The following NYAP1 variants were observed in gnomAD, a reference collection of about 807,000 sequenced individuals.
NYAP1 encodes neuronal tyrosine-phosphorylated phosphoinositide-3-kinase adapter 1.
In NYAP1, 20 loss-of-function variants were observed where a neutral mutation model predicts 58.6. The observed-to-expected ratio is 0.34, with a 90% CI of 0.24 to 0.50. NYAP1 has a LOEUF of 0.50. Ranked by LOEUF, NYAP1 falls within the 20% of genes least tolerant of loss-of-function variation. NYAP1 has a pLI of 0.98. For synonymous variants in NYAP1, 572 were observed against 523.1 expected, an observed-to-expected ratio of 1.09 and a Z score of -1.27; for missense variants, 1,150 against 1,194.5, an observed-to-expected ratio of 0.96 and a Z score of 0.55.
rs772312233 is a variant in NYAP1 at position 100,489,184 on chromosome 7, C to T, written c.1463C>T (p.Thr488Met). The change falls in exon 4 of 7, where the codon ACG becomes ATG. Residue 488 changes from threonine (T) to methionine (M), a missense_variant. By Grantham distance (81) the Thr-to-Met change is moderately conservative. Coordinates refer to ENST00000300179, the MANE Select transcript of NYAP1 (RefSeq NM_173564.4). ...GPPLGAGEPKTEKEISVLHGM... is the reference protein window; with the variant it reads ...GPPLGAGEPKMEKEISVLHGM... ...CCCCTGGGTGCTGGGGAGCCAAAGA[C>T]GGAGAAGGAGATCTCGGTCCTCCAT... 1.2e-5 allele frequency: 19 copies of T among 1,611,030 alleles called. No homozygotes were observed. The highest frequency in any genetic ancestry group is 5.5e-5 in the South Asian group (5 of 90,608).
In NYAP1 at chr7:100,490,396, C is replaced by A; in HGVS notation, c.1946-121C>A. The A allele has an allele frequency of 1.2e-6, 1 of 866,196 alleles. No individual in the cohort carries two copies. The highest frequency in any genetic ancestry group is 1.9e-6 in the Non-Finnish European group (1 of 532,488). 53.7% of individuals were successfully genotyped at this position (866,196 alleles called of 1,614,324 possible). A position where few individuals can be genotyped will look rare whatever the true frequency, so the allele number is the denominator to read the frequency against. On this transcript the variant is annotated intron_variant, in intron 4 of 6. Coordinates refer to ENST00000300179, the MANE Select transcript of NYAP1 (RefSeq NM_173564.4). This position sits in a 1 kb window ranked among gnomAD's most constrained non-coding sequence, Gnocchi z 4.6. ...GAGTGTGAAGGAGCCCCATCCCAGC[C>A]GTTACTTGCAAAAGGGGCAATTGTG... is the stretch of plus-strand genomic sequence containing the variant.
At position 100,489,633 on chromosome 7, in the gene NYAP1, C is replaced by T. The variant is rs1355681326; in HGVS notation, c.1912C>T (p.Leu638Phe). 5 of 1,406,182 alleles carry T rather than the reference C, an allele frequency of 3.6e-6. No individual in the cohort carries two copies. Among genetic ancestry groups the T allele is most frequent in the Admixed American group, 2.0e-5 (1 of 50,864 alleles). The allele number at this position is 1,406,182 out of a possible 1,614,324, so 87.1% of individuals were successfully genotyped here. Residue 638 changes from leucine to phenylalanine, a missense_variant, in exon 4 of 7, where the codon CTC becomes TTC. Transcript: ENST00000300179. ...AGGCTGGGCCCTGCAGAGGAAGGTC[C>T]TCTATGGAGGGAGAAAAGCAAAGGA... ...GAGWALQRKV[L>F]YGGRKAKELD...
In NYAP1 at chr7:100,486,852, G is replaced by T; in HGVS notation, c.100G>T (p.Ala34Ser). 6.5e-7 allele frequency: 1 copy of T among 1,527,402 alleles called. No homozygotes were observed. 94.6% of individuals were successfully genotyped at this position (1,527,402 alleles called of 1,614,324 possible). Reference protein sequence around the residue: ...SSKEVAPAGSAGPAAGQGPGV... With the variant: ...SSKEVAPAGSSGPAAGQGPGV... ...TAAGGAGGTGGCCCCCGCTGGCTCG[G>T]CTGGGCCCGCGGCCGGCCAGGGGCC... Residue 34 changes from alanine (A) to serine (S), a missense_variant, in exon 3 of 7, where the codon GCT becomes TCT. Ala to Ser is a moderately conservative substitution (Grantham distance 99). Transcript: ENST00000300179. This position sits in a 1 kb window ranked among gnomAD's most constrained non-coding sequence, Gnocchi z 6.2.
At position 100,492,163 on chromosome 7, in the gene NYAP1, C is replaced by T. The variant is rs184724274; in HGVS notation, c.2268+1068C>T. Among the ~76,000 whole-genome samples the T allele has an allele frequency of 1.8e-4, 27 of 151,842 alleles. 1 individual carries two copies. Among genetic ancestry groups the T allele is most frequent in the African/African-American group, 5.8e-4 (24 of 41,396 alleles). Reference sequence around the variant, plus strand: ...CTGAGGCAGGAGAATTGCTTGAACCCGGGAGACGGAGGCTGCAGTGAGCCA... The same window carrying T: ...CTGAGGCAGGAGAATTGCTTGAACCTGGGAGACGGAGGCTGCAGTGAGCCA... On this transcript the variant is annotated intron_variant, in intron 6 of 6. Coordinates refer to ENST00000300179, the MANE Select transcript of NYAP1 (RefSeq NM_173564.4).
intron 1 of NYAP1, among the ~76,000 whole-genome samples, chr7:100,484,511 G>C (rs1254303652): frequency 6.6e-6 from 1 of 152,158 alleles, no homozygotes; most frequent in African/African-American, 2.4e-5. Context: ...CCAGGCCCGG[G>C]GAAGGACTGG....
Position 100,485,350 on chromosome 7 carries a change from G to T in NYAP1, c.39G>T (p.Arg13Ser), listed in dbSNP as rs1299386720. Residue 13 changes from arginine (R) to serine (S), a missense_variant, in exon 2 of 7, where the codon AGG becomes AGT. Coordinates refer to ENST00000300179, the MANE Select transcript of NYAP1 (RefSeq NM_173564.4). This position sits in a 1 kb window ranked among gnomAD's most constrained non-coding sequence, Gnocchi z 5.7. Reference sequence around the variant, plus strand: ...ACCGAAAAACCAAGCTGGAGTGGAGGCAGCACAAGGAAGAGGAGGCCAAGA... The same window carrying T: ...ACCGAAAAACCAAGCTGGAGTGGAGTCAGCACAAGGAAGAGGAGGCCAAGA... ...LLYRKTKLEW[R>S]QHKEEEAKRS... 2 of 1,604,018 alleles carry T rather than the reference G, an allele frequency of 1.2e-6. No homozygotes were observed. The highest frequency in any genetic ancestry group is 1.1e-5 in the South Asian group (1 of 89,212).
chr7:100,492,158 G>C (rs1196624179), intron 6 of NYAP1, among the ~76,000 whole-genome samples: 1 of 152,008 alleles, frequency 6.6e-6, no homozygotes, highest in Non-Finnish European at 1.5e-5. Context: ...AGAATTGCTT[G>C]AACCCGGGAG....
chr7:100,490,565 G>C lies in NYAP1; in HGVS notation c.1994G>C (p.Gly665Ala). ...RAWNGSAEGPGKVEREDRGPG... is the reference protein window; with the variant it reads ...RAWNGSAEGPAKVEREDRGPG... ...TGGAATGGCAGTGCCGAGGGTCCAG[G>C]CAAGGTGGAGCGTGAGGACAGGGGC... Residue 665 changes from glycine to alanine, a missense_variant, in exon 5 of 7, where the codon GGC (glycine) becomes GCC (alanine). Gly to Ala is a moderately conservative substitution (Grantham distance 60). Coordinates refer to ENST00000300179, the MANE Select transcript of NYAP1 (RefSeq NM_173564.4). The surrounding 1 kb of genome is among the most constrained non-coding windows in gnomAD (Gnocchi z 4.6). 1 of 1,587,174 alleles carries C rather than the reference G, an allele frequency of 6.3e-7. No homozygotes were observed. Among genetic ancestry groups the C allele is most frequent in the Non-Finnish European group, 8.6e-7 (1 of 1,167,168 alleles).
rs201562557 is a variant in NYAP1, at chr7:100,485,716, GC to G, written c.68+341del. Among the ~76,000 whole-genome samples, 2,125 of 152,262 alleles carry G rather than the reference GC, an allele frequency of 0.014. 17 individuals carry two copies. The highest frequency in any genetic ancestry group is 0.022 in the Non-Finnish European group (1,467 of 68,008). ...TGTCACCTGACCTTGGAAGGGGCAGGCCCCGCCTCTCTCCCAGGGTCTAGGG... is the reference window on the plus strand; with the variant it reads ...TGTCACCTGACCTTGGAAGGGGCAGGCCCGCCTCTCTCCCAGGGTCTAGGG... On this transcript the variant is annotated intron_variant, in intron 2 of 6. Coordinates refer to ENST00000300179, the MANE Select transcript of NYAP1 (RefSeq NM_173564.4). This position sits in a 1 kb window ranked among gnomAD's most constrained non-coding sequence, Gnocchi z 5.7.
At position 100,485,105 on chromosome 7, in the gene NYAP1, C is replaced by A. The variant is rs1799686506; in HGVS notation, c.-84-123C>A. On this transcript the variant is annotated intron_variant, in intron 1 of 6. Coordinates refer to ENST00000300179, the MANE Select transcript of NYAP1 (RefSeq NM_173564.4). The surrounding 1 kb of genome is among the most constrained non-coding windows in gnomAD (Gnocchi z 5.7). ...CTCGAAGCTGTGTTGGGTTTTCTGT[C>A]TGTGTTTTCCTCTCTGAGGACCCGA... 1 of 582,222 alleles carries A rather than the reference C, an allele frequency of 1.7e-6. No homozygotes were observed. The highest frequency in any genetic ancestry group is 2.9e-5 in the East Asian group (1 of 35,072). 36.1% of individuals were successfully genotyped at this position (582,222 alleles called of 1,614,324 possible).
rs756184349 is a variant in NYAP1 at position 100,491,004 on chromosome 7, G to A, written c.2177G>A (p.Arg726His). The A allele has an allele frequency of 1.9e-6, 3 of 1,553,842 alleles. No individual in the cohort carries two copies. Among genetic ancestry groups the A allele is most frequent in the African/African-American group, 1.4e-5 (1 of 73,318 alleles). The change falls in exon 6 of 7, where the codon CGC becomes CAC. Residue 726 changes from arginine to histidine, a missense_variant. By Grantham distance (29) the Arg-to-His change is conservative (BLOSUM62 0). Transcript: ENST00000300179. ...ACCTCAGACTTCACGGGAGGCTACC[G>A]CCTGGGGCGCTCCGCCTCCACCTCC... is the stretch of plus-strand genomic sequence containing the variant. The part of the protein sequence containing the change: ...HRNGDFTGGY[R>H]LGRSASTSGV...
chr7:100,494,172 T>C lies in NYAP1; in HGVS notation c.*269T>C, dbSNP rs12539172. The C allele has an allele frequency of 0.72, 300,302 of 416,766 alleles. 109,536 individuals carry two copies. Among genetic ancestry groups the C allele is most frequent in the African/African-American group, 0.88 (41,832 of 47,722 alleles). 25.8% of individuals were successfully genotyped at this position (416,766 alleles called of 1,614,324 possible). A position where few individuals can be genotyped will look rare whatever the true frequency, so the allele number is the denominator to read the frequency against. Reference sequence around the variant, plus strand: ...CTCTGGCTGTTCTTCCCGCTGGGCGTTGTACACCCCTCCTCCTGAACCAAG... The same window carrying C: ...CTCTGGCTGTTCTTCCCGCTGGGCGCTGTACACCCCTCCTCCTGAACCAAG... On this transcript the variant is annotated 3_prime_UTR_variant, in exon 7 of 7. Transcript: ENST00000300179.
At position 100,489,264 on chromosome 7, in the gene NYAP1, G is replaced by T; in HGVS notation, c.1543G>T (p.Gly515Cys). ...TGTGCCAGGGAAGACCAGCCCCCAC[G>T]GTGGGGCCATGGGCGCAGCAGCTGG... ...PPVPGKTSPH[G>C]GAMGAAAGVL... The change falls in exon 4 of 7, where the codon GGT (glycine) becomes TGT (cysteine). Residue 515 changes from glycine (G) to cysteine (C), a missense_variant. Gly to Cys is a radical substitution (Grantham distance 159). Coordinates refer to ENST00000300179, the MANE Select transcript of NYAP1 (RefSeq NM_173564.4). 1 of 1,602,388 alleles carries T rather than the reference G, an allele frequency of 6.2e-7. No homozygotes were observed. The highest frequency in any genetic ancestry group is 8.5e-7 in the Non-Finnish European group (1 of 1,175,292).
chr7:100,488,011 G>A lies in NYAP1; in HGVS notation c.431-141G>A. The stretch of plus-strand genomic sequence containing the variant: ...TAAAAAAGAAATGAAGAAACCTCCT[G>A]GGGCTGTAAGTTGAGGAATGTGGGG... On this transcript the variant is annotated intron_variant, in intron 3 of 6. Transcript: ENST00000300179. The surrounding 1 kb of genome is among the most constrained non-coding windows in gnomAD (Gnocchi z 5.9). 1 of 616,318 alleles carries A rather than the reference G, an allele frequency of 1.6e-6. No homozygotes were observed. The highest frequency in any genetic ancestry group is 2.8e-6 in the Non-Finnish European group (1 of 355,582). 38.2% of individuals were successfully genotyped at this position (616,318 alleles called of 1,614,324 possible).
In NYAP1 at chr7:100,489,512, G is replaced by T. The variant is rs1353002613; in HGVS notation, c.1791G>T (p.Gly597=). 2.8e-5 allele frequency: 45 copies of T among 1,613,338 alleles called. No homozygotes were observed. The highest frequency in any genetic ancestry group is 3.6e-5 in the Non-Finnish European group (42 of 1,179,998). The change falls in exon 4 of 7, where the codon GGG becomes GGT. Residue 597 remains glycine, a synonymous_variant. Coordinates refer to ENST00000300179, the MANE Select transcript of NYAP1 (RefSeq NM_173564.4). ...AGCTGCAGGAGCAAGGGACCGATGG[G>T]GGTGCTTTTGCCAGCATCTCCTGTG... is the stretch of plus-strand genomic sequence containing the variant. ...KIQLQEQGTD[G]GAFASISCAH... is the part of the protein sequence containing the mutation.
At position 100,485,121 on chromosome 7, in the gene NYAP1, G is replaced by A. The variant is rs1029285361; in HGVS notation, c.-84-107G>A. The A allele has an allele frequency of 6.8e-6, 4 of 589,398 alleles. No homozygotes were observed. Among genetic ancestry groups the A allele is most frequent in the Admixed American group, 3.0e-5 (1 of 33,110 alleles). The allele number at this position is 589,398 out of a possible 1,614,324, so 36.5% of individuals were successfully genotyped here. A position where few individuals can be genotyped will look rare whatever the true frequency, so the allele number is the denominator to read the frequency against. On this transcript the variant is annotated intron_variant, in intron 1 of 6. Coordinates refer to ENST00000300179, the MANE Select transcript of NYAP1 (RefSeq NM_173564.4). This position sits in a 1 kb window ranked among gnomAD's most constrained non-coding sequence, Gnocchi z 5.7. ...GTTTTCTGTCTGTGTTTTCCTCTCT[G>A]AGGACCCGAGTCATGTCTCTTCTCC...
rs1314300550 is a variant in NYAP1, at chr7:100,490,533, C to T, written c.1962C>T (p.Ala654=). The T allele has an allele frequency of 2.5e-6, 4 of 1,585,858 alleles. No individual in the cohort carries two copies. The Admixed American group carries it at 5.4e-5, about 21-fold the overall frequency. Residue 654 remains alanine, a synonymous_variant, in exon 5 of 7, where the codon GCC becomes GCT. Coordinates refer to ENST00000300179, the MANE Select transcript of NYAP1 (RefSeq NM_173564.4). This position sits in a 1 kb window ranked among gnomAD's most constrained non-coding sequence, Gnocchi z 4.6. ...TCCCAGCAGAGGTCGAGGACGGTGCCCGGGCCTGGAATGGCAGTGCCGAGG... is the reference window on the plus strand; with the variant it reads ...TCCCAGCAGAGGTCGAGGACGGTGCTCGGGCCTGGAATGGCAGTGCCGAGG... ...AKELDKVEDG[A]RAWNGSAEGP...
At chr7:100,492,270 G>A (rs934697668) in intron 6 of NYAP1, among the ~76,000 whole-genome samples, 1 of 151,904 alleles carries the variant, frequency 6.6e-6, no homozygotes, top group South Asian at 2.1e-4. Context: ...GCAGACTGGG[G>A]CCTGAGCCAG....
chr7:100,484,267 T>A (rs937336381), intron 1 of NYAP1, among the ~76,000 whole-genome samples: 1 of 150,782 alleles, frequency 6.6e-6, no homozygotes, highest in African/African-American at 2.4e-5. Flanking sequence ...AGAGTGTGGG[T>A]TTGGGGGAAG....
Sources: allele counts gnomAD v4.1 joint callset (sites outside exome capture counted in the v4.1 genomes callset), GRCh38; gene constraint gnomAD v4.1.1; non-coding constraint Gnocchi (gnomAD v3.1); transcripts MANE v1.5; gene names NCBI Gene and HGNC (gene_info 2026-07-23, HGNC 2026-07-21).